The following SCAF11 variants were observed in gnomAD, a reference collection of about 807,000 sequenced individuals.
SCAF11 encodes the protein SR-related CTD associated factor 11, also known as protein SCAF11.
SCAF11 carries 47 observed loss-of-function variants against 140.5 expected under a neutral mutation model. The observed-to-expected ratio is 0.33, with a 90% CI of 0.26 to 0.43. SCAF11 has a LOEUF of 0.43. Among genes scored for constraint, SCAF11 ranks in the 20% least tolerant of loss-of-function variants. SCAF11 has a pLI of 1.00. For missense variants in SCAF11, 1,645 were observed against 1,705.1 expected, an observed-to-expected ratio of 0.96 and a Z score of 0.62; for synonymous variants, 557 against 579.4, an observed-to-expected ratio of 0.96 and a Z score of 0.55.
chr12:45,981,893 A>C (rs1177909969), intron 1 of SCAF11, among the ~76,000 whole-genome samples: 1 of 151,984 alleles, frequency 6.6e-6, no homozygotes, highest in African/African-American at 2.4e-5. Flanking sequence ...AAAAGAGATT[A>C]TCAAACTGGA....
rs771235077 is a variant in SCAF11, at chr12:45,922,056, T to C, written c.4384A>G (p.Ile1462Val). ...LEEPVSTEKN[I>V]G ...TGACAGCGTTCCCCATTTCAGCCTA[T>C]GTTTTTTTCAGTAGACACAGGTTCT... Residue 1462 changes from isoleucine (I) to valine (V), a missense_variant, in exon 15 of 15, where the codon ATA (isoleucine) becomes GTA (valine). Physicochemically the swap from Ile to Val is conservative, Grantham distance 29. Around this residue, in one of 2 missense-constraint regions of SCAF11, gnomAD observed 63 missense variants for 95.9 expected, o/e 0.66. Transcript: ENST00000369367. 1.2e-6 allele frequency: 2 copies of C among 1,610,088 alleles called. No homozygotes were observed. The highest frequency in any genetic ancestry group is 2.2e-5 in the South Asian group (2 of 89,946).
At chr12:45,937,114 G>A (rs958984093) in intron 6 of SCAF11, among the ~76,000 whole-genome samples, 4 of 151,148 alleles carry the variant, frequency 2.6e-5, no homozygotes, top group Admixed American at 6.6e-5. Flanking sequence ...CTACTATTAC[G>A]GAAAAAATTT....
chr12:45,976,751 A>T (rs1484978793), intron 1 of SCAF11, among the ~76,000 whole-genome samples: 2 of 152,108 alleles, frequency 1.3e-5, no homozygotes, highest in Non-Finnish European at 2.9e-5. Context: ...CTTCTATCAG[A>T]AAAGGTCTCA....
rs1565688754 is a variant in SCAF11 at position 45,972,897 on chromosome 12, T to TATATATAGATATATAGATATAG, written c.-21-8710_-21-8709insCTATATCTATATATCTATATAT. Among the ~76,000 whole-genome samples the TATATATAGATATATAGATATAG allele has an allele frequency of 2.9e-3, 191 of 64,840 alleles. 7 individuals carry two copies. Among genetic ancestry groups the TATATATAGATATATAGATATAG allele is most frequent in the African/African-American group, 0.011 (186 of 16,864 alleles). 42.5% of individuals were successfully genotyped at this position (64,840 alleles called of 152,430 possible). On this transcript the variant is annotated intron_variant, in intron 1 of 14. Coordinates refer to ENST00000369367, the MANE Select transcript of SCAF11 (RefSeq NM_004719.3). ...ATATATATAGATATATATATAGATATATATATATATAGATATATATATAGA... is the reference window on the plus strand; with the variant it reads ...ATATATATAGATATATATATAGATATATATATAGATATATAGATATAGATATATATATAGATATATATATAGA...
intron 1 of SCAF11, among the ~76,000 whole-genome samples, chr12:45,987,483 A>G (rs1451253571): frequency 1.3e-5 from 2 of 152,266 alleles, no homozygotes; most frequent in African/African-American, 4.8e-5. Flanking sequence ...CTCACAGAAG[A>G]TAAATCACAG....
rs571078945 is a variant in SCAF11 at position 45,964,301 on chromosome 12, G to A, written c.-21-113C>T. The A allele has an allele frequency of 1.0e-5, 6 of 595,828 alleles. No individual in the cohort carries two copies. The South Asian group carries it at 1.1e-4, about 11-fold the overall frequency. The allele number at this position is 595,828 out of a possible 1,614,324, so 36.9% of individuals were successfully genotyped here. ...TTTTACACATAAAAGAACACAGTACGAGCCAAGCCAGTTTGTGGATAATCC... is the reference window on the plus strand; with the variant it reads ...TTTTACACATAAAAGAACACAGTACAAGCCAAGCCAGTTTGTGGATAATCC... On this transcript the variant is annotated intron_variant, in intron 1 of 14. Coordinates refer to ENST00000369367, the MANE Select transcript of SCAF11 (RefSeq NM_004719.3).
In SCAF11 at chr12:45,934,561, C is replaced by A. The variant is rs975708720; in HGVS notation, c.464-56G>T. On this transcript the variant is annotated intron_variant, in intron 6 of 14. Coordinates refer to ENST00000369367, the MANE Select transcript of SCAF11 (RefSeq NM_004719.3). ...CTTGTATTAATTTTTATTAAAAAGG[C>A]TGTAAACCAGCATCGATACCAGCAC... 4.8e-6 allele frequency: 6 copies of A among 1,239,606 alleles called. No individual in the cohort carries two copies. In the African/African-American group the frequency reaches 9.3e-5, roughly 19 times the overall value. The allele number at this position is 1,239,606 out of a possible 1,614,324, so 76.8% of individuals were successfully genotyped here.
intron 3 of SCAF11, chr12:45,956,303 T>A: frequency 1.6e-6 from 1 of 626,826 alleles, no homozygotes; most frequent in Non-Finnish European, 2.9e-6. Flanking sequence ...TCTATCTCTC[T>A]ACTAACAAAA....
intron 3 of SCAF11, 97 bp from the exon 4 acceptor site, chr12:45,951,824 T>C (rs1945556989): frequency 3.8e-6 from 3 of 788,054 alleles, no homozygotes; most frequent in Non-Finnish European, 5.9e-6. Flanking sequence ...TTTTTATCTC[T>C]ATCTTCGAAA....
At chr12:45,973,144 C>A (rs1472089219) in intron 1 of SCAF11, among the ~76,000 whole-genome samples, 4 of 149,074 alleles carry the variant, frequency 2.7e-5, no homozygotes, top group Non-Finnish European at 5.9e-5. Flanking sequence ...AAATGGAAAC[C>A]AACAAAAAGT....
chr12:45,922,485 A>G lies in SCAF11; in HGVS notation c.4223T>C (p.Ile1408Thr). The change falls in exon 14 of 15, where the codon ATT becomes ACT. Residue 1408 changes from isoleucine (I) to threonine (T), a missense_variant. This residue lies in a region of SCAF11 where 63 missense variants were observed against 95.9 expected (regional missense o/e 0.66). Transcript: ENST00000369367. ...TACTTTATCTACTGCTTTCCGTACA[A>G]TTTCTTTATATTCTTCCTTGGTGAT... ...KDITKEEYKE[I>T]VRKAVDKVCH... 6.2e-7 allele frequency: 1 copy of G among 1,603,404 alleles called. No homozygotes were observed. The highest frequency in any genetic ancestry group is 8.5e-7 in the Non-Finnish European group (1 of 1,178,076).
At chr12:45,964,287 A>G (rs1945891018) in intron 1 of SCAF11, 99 bp from the exon 2 acceptor site, 1 of 643,814 alleles carries the variant, frequency 1.6e-6, no homozygotes, top group South Asian at 1.9e-5. Context: ...TTTACACATA[A>G]AAGAACACAG....
upstream of SCAF11, among the ~76,000 whole-genome samples, chr12:45,991,621 A>ATCT (rs1946613476): frequency 6.6e-6 from 1 of 152,224 alleles, no homozygotes; most frequent in Non-Finnish European, 1.5e-5. Context: ...GTGGTTAGAT[A>ATCT]GTGACGTGTG....
intron 1 of SCAF11, among the ~76,000 whole-genome samples, chr12:45,965,908 A>G (rs2136624420): frequency 6.6e-6 from 1 of 152,388 alleles, no homozygotes; most frequent in African/African-American, 2.4e-5. Flanking sequence ...GAAACTTAGT[A>G]GCATATGTAA....
At chr12:45,943,019 C>T (rs139189148) in intron 6 of SCAF11, among the ~76,000 whole-genome samples, 22 of 152,176 alleles carry the variant, frequency 1.4e-4, no homozygotes, top group Non-Finnish European at 2.6e-4. Context: ...ATACTGAGTA[C>T]GTATTGAGTA....
chr12:45,948,329 A>T lies in SCAF11; in HGVS notation c.398+108T>A, dbSNP rs1945472908. The stretch of plus-strand genomic sequence containing the variant: ...AATTATCAAGTGTGTGCTTTTGAAT[A>T]AGTGATTAAATACATTTAAACCCCA... On this transcript the variant is annotated intron_variant, in intron 5 of 14. Coordinates refer to ENST00000369367, the MANE Select transcript of SCAF11 (RefSeq NM_004719.3). 4.4e-6 allele frequency: 3 copies of T among 688,284 alleles called. No individual in the cohort carries two copies. In the East Asian group the frequency reaches 8.3e-5, roughly 19 times the overall value. The allele number at this position is 688,284 out of a possible 1,614,324, so 42.6% of individuals were successfully genotyped here. A position where few individuals can be genotyped will look rare whatever the true frequency, so the allele number is the denominator to read the frequency against.
chr12:45,930,832 C>A (rs993592914), intron 10 of SCAF11: 1 of 151,882 alleles, frequency 6.6e-6, no homozygotes, highest in South Asian at 2.1e-4. Flanking sequence ...TAATGACATA[C>A]CTTTTTCTTA....
rs146172345 is a variant in SCAF11 at position 45,923,022 on chromosome 12, T to C, written c.4039A>G (p.Lys1347Glu). The C allele has an allele frequency of 1.0e-3, 1,687 of 1,614,170 alleles. 2 individuals carry two copies. The highest frequency in any genetic ancestry group is 1.3e-3 in the Non-Finnish European group (1,549 of 1,179,996). Reference sequence around the variant, plus strand: ...AATTTTACAGCAGCATTAGAGGCTTTGCTGTGACTTGATGACGAAGTATTA... The same window carrying C: ...AATTTTACAGCAGCATTAGAGGCTTCGCTGTGACTTGATGACGAAGTATTA... ...SGNTSSSSHS[K>E]ASNAAVKLAE... Residue 1347 changes from lysine to glutamate, a missense_variant, in exon 13 of 15, where the codon AAA becomes GAA. Physicochemically the swap from Lys to Glu is moderately conservative, Grantham distance 56. Coordinates refer to ENST00000369367, the MANE Select transcript of SCAF11 (RefSeq NM_004719.3).
intron 3 of SCAF11, chr12:45,955,908 G>A: frequency 2.0e-6 from 1 of 510,316 alleles, no homozygotes; most frequent in Non-Finnish European, 3.5e-6. Context: ...ACAGTGTAAT[G>A]TGTATTAAAC....
Sources: gnomAD v4.1 joint callset for allele counts (sites outside exome capture counted in the v4.1 genomes callset) on GRCh38, gnomAD v4.1.1 for gene constraint, gnomAD v4.1.1 regional missense constraint, MANE v1.5 for transcripts, NCBI Gene and HGNC (gene_info 2026-07-23, HGNC 2026-07-21) for gene names.